The following STX7 variants were observed in gnomAD, a reference collection of about 807,000 sequenced individuals.
The protein encoded by STX7 is syntaxin-7.
STX7 carries 34 observed loss-of-function variants against 39.6 expected under a neutral mutation model. The observed-to-expected ratio is 0.86, with a 90% CI of 0.65 to 1.14. The LOEUF (loss-of-function observed/expected upper bound fraction) is 1.14, where lower values mean the gene tolerates loss of function less well. STX7 is among the 50% of genes most tolerant of loss of function. STX7 has a pLI of 0.00. For missense variants in STX7, 284 were observed against 310.4 expected (o/e 0.92, Z 0.64); for synonymous variants, 119 against 99.1 (o/e 1.20, Z -1.19).
Position 132,471,678 on chromosome 6 carries a change from T to G in STX7, c.250-78A>C, listed in dbSNP as rs1582653118. 1.9e-6 allele frequency: 3 copies of G among 1,556,426 alleles called. No individual in the cohort carries two copies. In the South Asian group the frequency reaches 3.6e-5, roughly 19 times the overall value. ...GAATTTGCGGTAGTTGGCTCTTTATTTAACCCTGAAGTTTTCACTTACTCC... is the reference window on the plus strand; with the variant it reads ...GAATTTGCGGTAGTTGGCTCTTTATGTAACCCTGAAGTTTTCACTTACTCC... On this transcript the variant is annotated intron_variant, in intron 4 of 9. Coordinates refer to ENST00000367941, the MANE Select transcript of STX7 (RefSeq NM_003569.3).
At chr6:132,483,182 C>A (rs972731682) in intron 2 of STX7, among the ~76,000 whole-genome samples, 2 of 152,148 alleles carry the variant, frequency 1.3e-5, no homozygotes, top group Admixed American at 1.3e-4. Context: ...CCAAAGACAA[C>A]AAAATCTGCA....
intron 2 of STX7, among the ~76,000 whole-genome samples, chr6:132,476,376 T>C (rs997140957): frequency 3.3e-5 from 5 of 151,990 alleles, no homozygotes; most frequent in Admixed American, 2.6e-4. Flanking sequence ...CAAAAAGAAA[T>C]TAGACCAGTC....
chr6:132,483,807 A>C (rs1582664641), intron 2 of STX7, among the ~76,000 whole-genome samples: 1 of 152,202 alleles, frequency 6.6e-6, no homozygotes, highest in African/African-American at 2.4e-5. Context: ...AGCTTAGAGA[A>C]AGGGAGATAA....
At chr6:132,513,338 C>T (rs1214479810), upstream of STX7, 1 of 152,156 alleles carries the variant, frequency 6.6e-6, no homozygotes, top group African/African-American at 2.4e-5. Context: ...CAGTTGTCTT[C>T]TTTATCTGGT....
At chr6:132,508,730 T>C (rs1775768879) in intron 1 of STX7, among the ~76,000 whole-genome samples, 1 of 150,194 alleles carries the variant, frequency 6.7e-6, no homozygotes, top group Non-Finnish European at 1.5e-5. Flanking sequence ...CAGACTGGTC[T>C]TGAACTCCTG....
At chr6:132,469,114 TG>T (rs1309499653) in intron 7 of STX7, among the ~76,000 whole-genome samples, 4 of 152,352 alleles carry the variant, frequency 2.6e-5, no homozygotes, top group African/African-American at 4.8e-5. Context: ...GCCTGGCACA[TG>T]GAAGGTCTTC....
In STX7 at chr6:132,470,663, C is replaced by A; in HGVS notation, c.388-37G>T. On this transcript the variant is annotated intron_variant, in intron 5 of 9. Coordinates refer to ENST00000367941, the MANE Select transcript of STX7 (RefSeq NM_003569.3). The stretch of plus-strand genomic sequence containing the variant: ...AGTAACAGGATGGAATGAGAAGGGG[C>A]AAAAAAAGCAAAAATGAGAAAAAAT... The A allele has an allele frequency of 4.1e-6, 6 of 1,447,286 alleles. No individual in the cohort carries two copies. The African/African-American group carries it at 4.3e-5, about 10-fold the overall frequency. The allele number at this position is 1,447,286 out of a possible 1,614,324, so 89.7% of individuals were successfully genotyped here. A position where few individuals can be genotyped will look rare whatever the true frequency, so the allele number is the denominator to read the frequency against.
At chr6:132,489,994 A>C (rs1009223711) in intron 2 of STX7, among the ~76,000 whole-genome samples, 1 of 152,254 alleles carries the variant, frequency 6.6e-6, no homozygotes, top group Non-Finnish European at 1.5e-5. Context: ...AGATGGCTGG[A>C]ACATTACAAG....
At chr6:132,462,621 G>GTGTGTT (rs1491098854) in intron 9 of STX7, among the ~76,000 whole-genome samples, 1 of 140,122 alleles carries the variant, frequency 7.1e-6, no homozygotes, top group Non-Finnish European at 1.6e-5. Flanking sequence ...GTGTGTGTGT[G>GTGTGTT]TTTTCAATTA....
intron 1 of STX7, among the ~76,000 whole-genome samples, chr6:132,505,162 TATTATG>T (rs1215322851): frequency 6.6e-6 from 1 of 152,230 alleles, no homozygotes; most frequent in Non-Finnish European, 1.5e-5. Context: ...ACAGCGGGCT[TATTATG>T]ATTAAGTAAT....
In STX7 at chr6:132,459,627, G is replaced by A. The variant is rs1413060939; in HGVS notation, c.*1131C>T. 6.6e-6 allele frequency: 1 copy of A among 152,156 alleles called. No individual in the cohort carries two copies. Among genetic ancestry groups the A allele is most frequent in the African/African-American group, 2.4e-5 (1 of 41,414 alleles). The allele number at this position is 152,156 out of a possible 1,614,324, so 9.4% of individuals were successfully genotyped here. The stretch of plus-strand genomic sequence containing the variant: ...CAAGTTAAACACCGCCTTCAGTACC[G>A]AGCTGCTATACAAGAACATTATAAA... On this transcript the variant is annotated 3_prime_UTR_variant, in exon 10 of 10. Coordinates refer to ENST00000367941, the MANE Select transcript of STX7 (RefSeq NM_003569.3).
At chr6:132,495,846 C>A (rs1382051074) in intron 2 of STX7, among the ~76,000 whole-genome samples, 1 of 152,128 alleles carries the variant, frequency 6.6e-6, no homozygotes, top group Non-Finnish European at 1.5e-5. Context: ...TGCACCAATT[C>A]TTAATAAACA....
chr6:132,496,197 C>G (rs1368821911), intron 2 of STX7, among the ~76,000 whole-genome samples: 5 of 151,880 alleles, frequency 3.3e-5, no homozygotes, highest in Non-Finnish European at 4.4e-5. Flanking sequence ...TTTATGTTTC[C>G]AATATATCTG....
intron 2 of STX7, among the ~76,000 whole-genome samples, chr6:132,495,337 G>A (rs906865505): frequency 2.0e-5 from 3 of 152,102 alleles, no homozygotes; most frequent in African/African-American, 7.2e-5. Context: ...TAGCACCTTA[G>A]GCATGAAGAA....
At chr6:132,462,584 T>G (rs1038565357) in intron 9 of STX7, among the ~76,000 whole-genome samples, 7 of 50,438 alleles carry the variant, frequency 1.4e-4, no homozygotes, top group Non-Finnish European at 2.3e-4. Flanking sequence ...TTTGCAGGGG[T>G]GTGTGTGTGT....
intron 2 of STX7, among the ~76,000 whole-genome samples, chr6:132,500,083 T>C (rs1775518841): frequency 6.6e-6 from 1 of 152,186 alleles, no homozygotes; most frequent in Non-Finnish European, 1.5e-5. Context: ...GCCATCACCC[T>C]GGTGCAAGCC....
intron 2 of STX7, among the ~76,000 whole-genome samples, chr6:132,480,432 T>C (rs1774987470): frequency 6.6e-6 from 1 of 152,178 alleles, no homozygotes; most frequent in Admixed American, 6.5e-5. Context: ...AAGTCCAATA[T>C]TTCACGATTA....
Position 132,461,911 on chromosome 6 carries a change from CA to C in STX7, c.694-1062del, listed in dbSNP as rs1774417439. 4.9e-6 allele frequency: 7 copies of C among 1,426,772 alleles called. No homozygotes were observed. The South Asian group carries it at 8.0e-5, about 16-fold the overall frequency. The allele number at this position is 1,426,772 out of a possible 1,614,324, so 88.4% of individuals were successfully genotyped here. ...TTTACTTTGTGTCAAGTAGAAGTAC[CA>C]AAATATTTATAAAAAGATACATTTC... On this transcript the variant is annotated intron_variant, in intron 9 of 9. Coordinates refer to ENST00000367941, the MANE Select transcript of STX7 (RefSeq NM_003569.3).
intron 2 of STX7, among the ~76,000 whole-genome samples, chr6:132,488,502 A>G (rs1432117115): frequency 6.6e-6 from 1 of 151,936 alleles, no homozygotes; most frequent in Non-Finnish European, 1.5e-5. Flanking sequence ...GGCTTTGTCT[A>G]TTTTCCTTGC....
Sources: allele counts gnomAD v4.1 joint callset (sites outside exome capture counted in the v4.1 genomes callset), GRCh38; gene constraint gnomAD v4.1.1; transcripts MANE v1.5; gene names NCBI Gene and HGNC (gene_info 2026-07-23, HGNC 2026-07-21).